NIPBL: variants seen among roughly 807,000 people sequenced by gnomAD.
NIPBL encodes nipped-B-like protein.
A neutral mutation model predicts 321.8 loss-of-function variants in NIPBL; 19 were observed. The ratio of observed to expected loss-of-function variants is 0.06; its 90% CI spans 0.04 to 0.09. NIPBL has a LOEUF of 0.09. Ranked by LOEUF, NIPBL falls within the 10% of genes least tolerant of loss-of-function variation. The pLI, the probability that NIPBL is intolerant of heterozygous loss-of-function variation, is 1.00. For missense variants in NIPBL, 2,210 were observed against 3,327.0 expected, an observed-to-expected ratio of 0.66 and a Z score of 8.26; for synonymous variants, 1,106 against 1,114.1, an observed-to-expected ratio of 0.99 and a Z score of 0.14.
At chr5:36,995,840 G>A (rs1418008120) in intron 11 of NIPBL, 36 bp downstream of exon 11, 3 of 1,570,522 alleles carry the variant, frequency 1.9e-6, no homozygotes, top group Non-Finnish European at 2.6e-6. Flanking sequence ...TTATTTTAGA[G>A]TTTAAAAGCA....
At chr5:37,057,785 A>G (rs1262271939) in intron 43 of NIPBL, among the ~76,000 whole-genome samples, 4 of 152,196 alleles carry the variant, frequency 2.6e-5, no homozygotes, top group African/African-American at 4.8e-5. Flanking sequence ...GAGTTTGCAT[A>G]TGTGTGCCCA....
chr5:36,964,726 A>G (rs1459584718), intron 6 of NIPBL, among the ~76,000 whole-genome samples: 1 of 152,166 alleles, frequency 6.6e-6, no homozygotes, highest in Non-Finnish European at 1.5e-5. Context: ...AGAAACAATC[A>G]ACAAAATGAA....
intron 14 of NIPBL, among the ~76,000 whole-genome samples, chr5:37,002,110 G>A (rs1027631304): frequency 6.6e-6 from 1 of 152,100 alleles, no homozygotes; most frequent in African/African-American, 2.4e-5. Context: ...AGAACCCAGG[G>A]TTAACAGCCT....
intron 23 of NIPBL, 138 bp downstream of exon 23, chr5:37,016,308 C>G: frequency 1.1e-6 from 1 of 913,764 alleles, no homozygotes; most frequent in South Asian, 1.5e-5. Context: ...ATGTGCATAA[C>G]TGTACACAAT....
chr5:37,031,989 G>T (rs1405070467), intron 32 of NIPBL, among the ~76,000 whole-genome samples: 1 of 152,196 alleles, frequency 6.6e-6, no homozygotes, highest in Non-Finnish European at 1.5e-5. Context: ...AGGGATGATA[G>T]TTATGGTCCC....
In NIPBL at chr5:37,019,921, A is replaced by G. The variant is rs370776907; in HGVS notation, c.5010+521A>G. Among the ~76,000 whole-genome samples the G allele has an allele frequency of 2.7e-4, 41 of 152,330 alleles. 2 individuals are homozygous for G. In the South Asian group the frequency reaches 8.1e-3, roughly 30 times the overall value. On this transcript the variant is annotated intron_variant, in intron 25 of 46. Coordinates refer to ENST00000282516, the MANE Select transcript of NIPBL (RefSeq NM_133433.4). ...TATTTTTTAACTGGTGGGATATGCAATTGAAAGAAATGGGATACTACTAAG... is the reference window on the plus strand; with the variant it reads ...TATTTTTTAACTGGTGGGATATGCAGTTGAAAGAAATGGGATACTACTAAG...
In NIPBL at chr5:37,042,899, G is replaced by GCACA. The variant is rs70976273; in HGVS notation, c.6109-1427_6109-1424dup. Among the ~76,000 whole-genome samples, 518 of 144,890 alleles carry GCACA rather than the reference G, an allele frequency of 3.6e-3. 2 individuals are homozygous for GCACA. Among genetic ancestry groups the GCACA allele is most frequent in the African/African-American group, 0.012 (462 of 40,064 alleles). On this transcript the variant is annotated intron_variant, in intron 34 of 46. Transcript: ENST00000282516. ...TGAAAGCCTTACTACACACACGCGCGCACACACACACACACACACACACAT... is the reference window on the plus strand; with the variant it reads ...TGAAAGCCTTACTACACACACGCGCGCACACACACACACACACACACACACACAT...
chr5:36,992,808 T>A (rs1745696860), intron 10 of NIPBL, among the ~76,000 whole-genome samples: 1 of 151,924 alleles, frequency 6.6e-6, no homozygotes, highest in Non-Finnish European at 1.5e-5. Flanking sequence ...AGTGGCGTGA[T>A]CTTGGCTCAC....
chr5:36,936,670 C>A (rs941577177), intron 1 of NIPBL, among the ~76,000 whole-genome samples: 1 of 152,082 alleles, frequency 6.6e-6, no homozygotes. Flanking sequence ...ATTTTACCTT[C>A]CTTGTGGATA....
intron 30 of NIPBL, among the ~76,000 whole-genome samples, chr5:37,025,473 A>G (rs915303771): frequency 2.0e-5 from 3 of 152,216 alleles, no homozygotes; most frequent in Non-Finnish European, 2.9e-5. Context: ...AATTTATCTC[A>G]TAGAGATAGA....
rs761534618 is a variant in NIPBL, at chr5:36,962,290, G to T, written c.610+16G>T. 1.2e-6 allele frequency: 2 copies of T among 1,613,814 alleles called. No homozygotes were observed. Among genetic ancestry groups the T allele is most frequent in the South Asian group, 2.2e-5 (2 of 91,074 alleles). On this transcript the variant is annotated intron_variant, in intron 6 of 46. Coordinates refer to ENST00000282516, the MANE Select transcript of NIPBL (RefSeq NM_133433.4). ...ATGCAACAAGGTAAGAAAGTTGTTT[G>T]TAACTTCACTGGGAATGTCTAAGTG...
intron 1 of NIPBL, among the ~76,000 whole-genome samples, chr5:36,909,797 G>A (rs570360232): frequency 5.9e-5 from 9 of 152,244 alleles, no homozygotes; most frequent in African/African-American, 2.2e-4. Flanking sequence ...AACAGTATGG[G>A]CCATGCACAG....
chr5:36,961,758 A>T (rs189708837), intron 5 of NIPBL, among the ~76,000 whole-genome samples, 175 bp downstream of exon 5: 11 of 152,340 alleles, frequency 7.2e-5, no homozygotes, highest in African/African-American at 2.6e-4. Flanking sequence ...AAATAGTCTG[A>T]TATGCTAATT....
rs1001495218 is a variant in NIPBL at position 37,015,323 on chromosome 5, C to G, written c.4643+558C>G. ...ATTTTCAGTAGAGACGGGGTTTCCC[C>G]GTGTTGGTTAGGCTGGTCTCGAACT... On this transcript the variant is annotated intron_variant, in intron 22 of 46. Transcript: ENST00000282516. Among the ~76,000 whole-genome samples, 6 of 152,180 alleles carry G rather than the reference C, an allele frequency of 3.9e-5. No homozygotes were observed. In the South Asian group the frequency reaches 1.2e-3, roughly 32 times the overall value.
rs1321886642 is a variant in NIPBL, at chr5:37,049,265, A to G, written c.6918A>G (p.Ala2306=). 6.2e-7 allele frequency: 1 copy of G among 1,614,142 alleles called. No individual in the cohort carries two copies. Among genetic ancestry groups the G allele is most frequent in the Admixed American group, 1.7e-5 (1 of 60,022 alleles). ...GCCACTTTGCCCTAAATGTCATTGCATTGACTCTAAATCAAGGTCTTATTC... is the reference window on the plus strand; with the variant it reads ...GCCACTTTGCCCTAAATGTCATTGCGTTGACTCTAAATCAAGGTCTTATTC... ...SVRHFALNVI[A]LTLNQGLIHP... The change falls in exon 40 of 47, where the codon GCA becomes GCG. Residue 2306 remains alanine, a synonymous_variant. Transcript: ENST00000282516.
chr5:37,062,654 T>C (rs1035007013), intron 45 of NIPBL, among the ~76,000 whole-genome samples: 1 of 152,222 alleles, frequency 6.6e-6, no homozygotes, highest in Non-Finnish European at 1.5e-5. Flanking sequence ...ACATGCTGGC[T>C]TATACCTGTA....
chr5:36,995,929 G>GT (rs1435977223), intron 11 of NIPBL, 125 bp downstream of exon 11: 8 of 807,914 alleles, frequency 9.9e-6, no homozygotes, highest in Non-Finnish European at 1.4e-5. Context: ...ACACAGTATA[G>GT]TAAGTTTTTT....
At chr5:36,924,750 C>T (rs759474150) in intron 1 of NIPBL, among the ~76,000 whole-genome samples, 3 of 152,180 alleles carry the variant, frequency 2.0e-5, no homozygotes, top group Non-Finnish European at 4.4e-5. Flanking sequence ...TCCAGTCTAG[C>T]TAATACAAGA....
chr5:36,898,570 G>T (rs1746956756), intron 1 of NIPBL, among the ~76,000 whole-genome samples: 1 of 147,976 alleles, frequency 6.8e-6, no homozygotes, highest in Non-Finnish European at 1.5e-5. Context: ...GGAGTGCAGT[G>T]GCACGATCTC....
Sources: gnomAD v4.1 joint callset for allele counts (sites outside exome capture counted in the v4.1 genomes callset) on GRCh38, gnomAD v4.1.1 for gene constraint, MANE v1.5 for transcripts, NCBI Gene and HGNC (gene_info 2026-07-23, HGNC 2026-07-21) for gene names.